The following FSTL4 variants were observed in gnomAD, a reference collection of about 807,000 sequenced individuals.
The protein encoded by FSTL4 is follistatin like 4, also known as follistatin-related protein 4.
FSTL4 carries 28 observed loss-of-function variants against 78.2 expected under a neutral mutation model. That is an observed-to-expected ratio of 0.36 (90% confidence interval 0.27 to 0.49). The LOEUF (loss-of-function observed/expected upper bound fraction) is 0.49, where lower values mean the gene tolerates loss of function less well. FSTL4 is among the 20% of genes least tolerant of loss of function. The pLI is 0.98. For missense variants in FSTL4, 922 were observed against 1,084.9 expected, an observed-to-expected ratio of 0.85 and a Z score of 2.11; for synonymous variants, 422 against 440.5, an observed-to-expected ratio of 0.96 and a Z score of 0.53.
At chr5:133,270,398 T>C (rs1752742076) in intron 6 of FSTL4, among the ~76,000 whole-genome samples, 1 of 152,238 alleles carries the variant, frequency 6.6e-6, no homozygotes, top group Non-Finnish European at 1.5e-5. Context: ...TATGCTATTA[T>C]TCTCTCTCTG....
At chr5:133,527,631 C>T (rs1006454931) in intron 3 of FSTL4, among the ~76,000 whole-genome samples, 1 of 152,222 alleles carries the variant, frequency 6.6e-6, no homozygotes. Flanking sequence ...ATAAACTGAA[C>T]AGCTGAGGGA....
At chr5:133,617,971 G>A in the FSTL4 span, among the ~76,000 whole-genome samples, 1 of 152,152 alleles carries the variant, frequency 6.6e-6, no homozygotes, top group South Asian at 2.1e-4. Context: ...GAAGGAGAGG[G>A]CTAGGCAAGG....
chr5:133,809,101 C>T, the FSTL4 span, among the ~76,000 whole-genome samples: 2 of 151,934 alleles, frequency 1.3e-5, no homozygotes, highest in African/African-American at 2.4e-5. Context: ...TGCGGTGGCT[C>T]ACGCCTGTAA....
chr5:133,809,967 T>C, the FSTL4 span, among the ~76,000 whole-genome samples: 1 of 152,366 alleles, frequency 6.6e-6, no homozygotes, highest in East Asian at 1.9e-4. Context: ...CAAGGCATTC[T>C]GGCTCAGCTT....
the FSTL4 span, among the ~76,000 whole-genome samples, chr5:133,784,633 G>A: frequency 0.045 from 6,811 of 152,112 alleles, 449 homozygotes; most frequent in African/African-American, 0.15. Context: ...ATATTAAGGA[G>A]TAAGTTGCAT....
rs569956630 is a variant in FSTL4 at position 133,285,003 on chromosome 5, C to T, written c.727+27651G>A. Among the ~76,000 whole-genome samples the T allele has an allele frequency of 2.8e-4, 42 of 152,238 alleles. No homozygotes were observed. In the South Asian group the frequency reaches 8.1e-3, roughly 29 times the overall value. ...GGTGAGGTGGGAAATAGGGAGCCAG[C>T]GAAGGCTCTGGAGTAAGTGGGCACA... On this transcript the variant is annotated intron_variant, in intron 6 of 15. Coordinates refer to ENST00000265342, the MANE Select transcript of FSTL4 (RefSeq NM_015082.2).
the FSTL4 span, among the ~76,000 whole-genome samples, chr5:133,728,529 C>T: frequency 6.6e-6 from 1 of 152,218 alleles, no homozygotes; most frequent in African/African-American, 2.4e-5. Flanking sequence ...AAGAAGACAC[C>T]TCCAAATCAA....
At chr5:133,446,942 A>C (rs1367154606) in intron 3 of FSTL4, among the ~76,000 whole-genome samples, 1 of 152,156 alleles carries the variant, frequency 6.6e-6, no homozygotes, top group Non-Finnish European at 1.5e-5. Flanking sequence ...GCACAGGTCT[A>C]GGGTATTCAG....
At chr5:133,755,135 C>T in the FSTL4 span, among the ~76,000 whole-genome samples, 1 of 152,104 alleles carries the variant, frequency 6.6e-6, no homozygotes, top group Non-Finnish European at 1.5e-5. Flanking sequence ...TCTCAGATTT[C>T]CTTCTCTACC....
At chr5:133,726,665 A>T in the FSTL4 span, among the ~76,000 whole-genome samples, 4 of 152,178 alleles carry the variant, frequency 2.6e-5, no homozygotes, top group Non-Finnish European at 5.9e-5. Flanking sequence ...GATAGATTCA[A>T]GGGGGGCTGG....
chr5:133,653,284 G>A, the FSTL4 span, among the ~76,000 whole-genome samples: 1 of 152,182 alleles, frequency 6.6e-6, no homozygotes, highest in African/African-American at 2.4e-5. Flanking sequence ...ACAGATGTAT[G>A]TAGTTCACAT....
rs10463521 is a variant in FSTL4, at chr5:133,280,822, G to A, written c.728-31246C>T. Among the ~76,000 whole-genome samples the A allele has an allele frequency of 1.2e-4, 18 of 152,248 alleles. No individual in the cohort carries two copies. In the East Asian group the frequency reaches 2.5e-3, roughly 21 times the overall value. On this transcript the variant is annotated intron_variant, in intron 6 of 15. Coordinates refer to ENST00000265342, the MANE Select transcript of FSTL4 (RefSeq NM_015082.2). ...CCTCCAGCCCTTGATTACAGCAAGC[G>A]CCTCCCTGTCTCCAGGTCTCCTGGA...
At chr5:133,447,548 C>CTT (rs201145044) in intron 3 of FSTL4, among the ~76,000 whole-genome samples, 2 of 151,264 alleles carry the variant, frequency 1.3e-5, no homozygotes, top group African/African-American at 4.9e-5. Context: ...TTTTTCTTCT[C>CTT]TTTTTTTTTG....
chr5:133,350,474 C>T (rs1006085654), intron 4 of FSTL4, among the ~76,000 whole-genome samples: 1 of 152,246 alleles, frequency 6.6e-6, no homozygotes, highest in South Asian at 2.1e-4. Context: ...TTGACTACCT[C>T]CCCTGGTTCT....
At chr5:133,747,332 A>G in the FSTL4 span, among the ~76,000 whole-genome samples, 1 of 152,184 alleles carries the variant, frequency 6.6e-6, no homozygotes, top group Admixed American at 6.5e-5. Flanking sequence ...TGTGGAAGCT[A>G]AAGTACTACC....
chr5:133,551,715 T>C (rs1320390439), intron 3 of FSTL4, among the ~76,000 whole-genome samples: 2 of 152,244 alleles, frequency 1.3e-5, no homozygotes, highest in African/African-American at 4.8e-5. Context: ...AAAATGTCTC[T>C]TTTTCTAACC....
intron 13 of FSTL4, among the ~76,000 whole-genome samples, chr5:133,213,062 GTGCAATCTTGGCTCAC>G (rs138454190): frequency 0.34 from 50,656 of 150,216 alleles, 9,505 homozygotes; most frequent in Middle Eastern, 0.49. Flanking sequence ...ACCCAGGCTG[GTGCAATCTTGGCTCAC>G]TGCAATCTCT....
chr5:133,548,558 G>A (rs576641958), intron 3 of FSTL4, among the ~76,000 whole-genome samples: 3 of 152,246 alleles, frequency 2.0e-5, no homozygotes, highest in Non-Finnish European at 4.4e-5. Context: ...ATGGTAACCT[G>A]TAATCATGAG....
At position 133,475,701 on chromosome 5, in the gene FSTL4, T is replaced by C. The variant is rs1054332133; in HGVS notation, c.161-74715A>G. Among the ~76,000 whole-genome samples the C allele has an allele frequency of 8.5e-5, 13 of 152,232 alleles. 1 individual carries two copies. Among genetic ancestry groups the C allele is most frequent in the Non-Finnish European group, 1.2e-4 (8 of 68,040 alleles). On this transcript the variant is annotated intron_variant, in intron 3 of 15. Transcript: ENST00000265342. ...TTTCCTCTAGATAAAGAATAAGTAATAGGCAAGTCGGAATTATCGGGTGGT... is the reference window on the plus strand; with the variant it reads ...TTTCCTCTAGATAAAGAATAAGTAACAGGCAAGTCGGAATTATCGGGTGGT...
Sources: gnomAD v4.1 joint callset for allele counts (sites outside exome capture counted in the v4.1 genomes callset) on GRCh38, gnomAD v4.1.1 for gene constraint, MANE v1.5 for transcripts, NCBI Gene and HGNC (gene_info 2026-07-23, HGNC 2026-07-21) for gene names.